CORO2B: variants seen among roughly 807,000 people sequenced by gnomAD.
The protein encoded by CORO2B is coronin 2B.
In CORO2B, 26 loss-of-function variants were observed where a neutral mutation model predicts 58.8. The ratio of observed to expected loss-of-function variants is 0.44; its 90% CI spans 0.32 to 0.61. CORO2B has a LOEUF of 0.61. CORO2B is among the 20% of genes least tolerant of loss of function. CORO2B has a pLI of 0.04. For missense variants in CORO2B, 460 were observed against 645.1 expected (o/e 0.71, Z 3.11); for synonymous variants, 242 against 253.8 (o/e 0.95, Z 0.44).
chr15:68,582,435 G>A (rs2140556333), intron 1 of CORO2B, among the ~76,000 whole-genome samples: 1 of 152,264 alleles, frequency 6.6e-6, no homozygotes, highest in East Asian at 1.9e-4. Flanking sequence ...GTGCTTCCTA[G>A]GGCAGCTCGG....
upstream of CORO2B, among the ~76,000 whole-genome samples, chr15:68,577,889 A>T (rs948779180): frequency 1.3e-5 from 2 of 152,052 alleles, no homozygotes; most frequent in African/African-American, 4.8e-5. Flanking sequence ...GTGCTCATAT[A>T]TGACGTTGCC....
At chr15:68,692,559 T>C (rs1892404818) in intron 2 of CORO2B, among the ~76,000 whole-genome samples, 1 of 149,862 alleles carries the variant, frequency 6.7e-6, no homozygotes, top group African/African-American at 2.4e-5. Context: ...CACTCCAGCC[T>C]GGGCGACAGA....
intron 6 of CORO2B, 138 bp downstream of exon 6, chr15:68,714,179 C>A (rs183596633): frequency 6.4e-6 from 4 of 626,048 alleles, no homozygotes; most frequent in East Asian, 2.7e-5. Flanking sequence ...CAGACAGAGA[C>A]CCCCAGAGGC....
intron 1 of CORO2B, among the ~76,000 whole-genome samples, chr15:68,644,566 C>G (rs971014705): frequency 7.9e-5 from 12 of 152,170 alleles, no homozygotes; most frequent in African/African-American, 2.9e-4. Flanking sequence ...CTTAACCTCT[C>G]TGTGCCTGAT....
At chr15:68,629,584 G>T (rs1023951849) in intron 1 of CORO2B, among the ~76,000 whole-genome samples, 3 of 152,244 alleles carry the variant, frequency 2.0e-5, no homozygotes, top group Non-Finnish European at 4.4e-5. Context: ...GAGCCCAGGT[G>T]CTGGGGATGA....
intron 2 of CORO2B, among the ~76,000 whole-genome samples, chr15:68,663,475 C>T (rs1452923854): frequency 1.3e-5 from 2 of 152,182 alleles, no homozygotes; most frequent in East Asian, 3.8e-4. Flanking sequence ...AACACACACA[C>T]ATACACGCGC....
At chr15:68,717,069 C>T (rs768694925) in intron 8 of CORO2B, among the ~76,000 whole-genome samples, 9 of 151,914 alleles carry the variant, frequency 5.9e-5, no homozygotes, top group Non-Finnish European at 1.0e-4. Context: ...TTTGGGAGGC[C>T]GAGGCAGGTG....
intron 1 of CORO2B, among the ~76,000 whole-genome samples, chr15:68,584,506 A>G (rs2140558920): frequency 6.6e-6 from 1 of 152,272 alleles, no homozygotes; most frequent in African/African-American, 2.4e-5. Context: ...ATGTCCTGGC[A>G]GCTCAGGGAT....
At chr15:68,522,323 TC>T in the CORO2B span, among the ~76,000 whole-genome samples, 1 of 152,206 alleles carries the variant, frequency 6.6e-6, no homozygotes. Flanking sequence ...CGTCTGAGAC[TC>T]CAATTGTGTT....
intron 1 of CORO2B, among the ~76,000 whole-genome samples, chr15:68,609,847 G>A (rs2140244768): frequency 6.6e-6 from 1 of 152,304 alleles, no homozygotes; most frequent in Admixed American, 6.5e-5. Context: ...GTGATGGCAG[G>A]CAGGGTGGGC....
intron 11 of CORO2B, among the ~76,000 whole-genome samples, chr15:68,724,125 C>G (rs1203681553): frequency 6.6e-6 from 1 of 152,166 alleles, no homozygotes; most frequent in Non-Finnish European, 1.5e-5. Context: ...TACCTTGAAC[C>G]CGGGAAGCGG....
chr15:68,636,588 A>AG (rs1901039673), intron 1 of CORO2B, among the ~76,000 whole-genome samples: 2 of 152,260 alleles, frequency 1.3e-5, no homozygotes, highest in South Asian at 4.1e-4. Flanking sequence ...GAGAAAAATG[A>AG]GGGGCTTGCC....
chr15:68,709,725 T>C (rs1892871478), intron 3 of CORO2B, among the ~76,000 whole-genome samples: 2 of 152,276 alleles, frequency 1.3e-5, no homozygotes, highest in Non-Finnish European at 1.5e-5. Flanking sequence ...TATAGTCACA[T>C]GTGCTCTTTC....
intron 3 of CORO2B, 79 bp downstream of exon 3, chr15:68,695,335 C>A (rs887376300): frequency 9.0e-6 from 9 of 997,922 alleles, no homozygotes; most frequent in African/African-American, 7.9e-5. Context: ...TTCCTACCCT[C>A]CCCTCCTCCA....
chr15:68,696,080 T>C (rs1041296098), intron 3 of CORO2B, among the ~76,000 whole-genome samples: 9 of 36,334 alleles, frequency 2.5e-4, no homozygotes, highest in African/African-American at 6.2e-4. Flanking sequence ...CTACAAAAAA[T>C]TGAATTAAAA....
the CORO2B span, among the ~76,000 whole-genome samples, chr15:68,555,649 G>A: frequency 6.6e-6 from 1 of 152,268 alleles, no homozygotes; most frequent in African/African-American, 2.4e-5. Context: ...TTCCGTTTCT[G>A]CATCTTGATG....
the CORO2B span, among the ~76,000 whole-genome samples, chr15:68,554,943 C>T: frequency 6.6e-6 from 1 of 152,188 alleles, no homozygotes; most frequent in Non-Finnish European, 1.5e-5. Context: ...CTTATGACCC[C>T]AACCCCAGGG....
the CORO2B span, among the ~76,000 whole-genome samples, chr15:68,549,922 C>T: frequency 6.7e-6 from 1 of 150,066 alleles, no homozygotes; most frequent in African/African-American, 2.5e-5. Flanking sequence ...GCCTGGGCAA[C>T]AGAGCAAGAC....
chr15:68,604,173 G>A (rs954486796), intron 1 of CORO2B, among the ~76,000 whole-genome samples: 18 of 152,158 alleles, frequency 1.2e-4, no homozygotes, highest in Non-Finnish European at 2.1e-4. Flanking sequence ...TATCACGTTC[G>A]CTTGTCAGTA....
Sources: gnomAD v4.1 joint callset for allele counts (sites outside exome capture counted in the v4.1 genomes callset) on GRCh38, gnomAD v4.1.1 for gene constraint, MANE v1.5 for transcripts, NCBI Gene and HGNC (gene_info 2026-07-23, HGNC 2026-07-21) for gene names.